RNF43: variants seen among roughly 807,000 people sequenced by gnomAD.
RNF43 encodes E3 ubiquitin-protein ligase RNF43.
A neutral mutation model predicts 78.4 loss-of-function variants in RNF43; 37 were observed. The observed-to-expected ratio is 0.47, with a 90% CI of 0.36 to 0.62. RNF43 has a LOEUF of 0.62. Among genes scored for constraint, RNF43 ranks in the 20% least tolerant of loss-of-function variants. RNF43 has a pLI of 0.00. For synonymous variants in RNF43, 347 were observed against 395.0 expected, an observed-to-expected ratio of 0.88 and a Z score of 1.44; for missense variants, 774 against 1,007.9, an observed-to-expected ratio of 0.77 and a Z score of 3.14.
At chr17:58,414,401 T>C (rs1974084319) in intron 2 of RNF43, among the ~76,000 whole-genome samples, 2 of 152,236 alleles carry the variant, frequency 1.3e-5, no homozygotes, top group South Asian at 4.1e-4. Context: ...TTAACCTGTG[T>C]CCAGTAGCTA....
At chr17:58,398,632 T>C (rs1235718065) in intron 2 of RNF43, among the ~76,000 whole-genome samples, 1 of 152,194 alleles carries the variant, frequency 6.6e-6, no homozygotes, top group African/African-American at 2.4e-5. Context: ...ATTCCACCCA[T>C]AGAAATGGAG....
At chr17:58,378,005 G>A (rs1367462001) in intron 2 of RNF43, among the ~76,000 whole-genome samples, 1 of 152,090 alleles carries the variant, frequency 6.6e-6, no homozygotes, top group African/African-American at 2.4e-5. Context: ...GCTTCTTCCG[G>A]ATCCCGGCAC....
chr17:58,399,929 C>A (rs951941851), intron 2 of RNF43, among the ~76,000 whole-genome samples: 1 of 152,062 alleles, frequency 6.6e-6, no homozygotes, highest in African/African-American at 2.4e-5. Context: ...CGTGAGCCAC[C>A]GCACCCAGCC....
At chr17:58,374,000 T>G (rs530669598) in intron 2 of RNF43, among the ~76,000 whole-genome samples, 1 of 152,204 alleles carries the variant, frequency 6.6e-6, no homozygotes, top group African/African-American at 2.4e-5. Context: ...CAGTACAGTT[T>G]ATATTTATTG....
At position 58,357,420 on chromosome 17, in the gene RNF43, G is replaced by C. The variant is rs2143381868; in HGVS notation, c.2308+48C>G. 6.2e-7 allele frequency: 1 copy of C among 1,610,942 alleles called. No homozygotes were observed. The highest frequency in any genetic ancestry group is 8.5e-7 in the Non-Finnish European group (1 of 1,177,132). The stretch of plus-strand genomic sequence containing the variant: ...GACTTCACCTGTCCTGAAATATTCA[G>C]CTGTAGTCTCCTCTCCCTACCACAC... On this transcript the variant is annotated intron_variant, in intron 9 of 9. Transcript: ENST00000407977. This position sits in a 1 kb window ranked among gnomAD's most constrained non-coding sequence, Gnocchi z 4.5.
chr17:58,414,472 G>A (rs1057251368), intron 2 of RNF43, among the ~76,000 whole-genome samples: 1 of 152,194 alleles, frequency 6.6e-6, no homozygotes, highest in African/African-American at 2.4e-5. Flanking sequence ...ATTTTATGGA[G>A]TAAGACAATG....
chr17:58,400,490 A>T (rs117498902), intron 2 of RNF43, among the ~76,000 whole-genome samples: 2,553 of 152,246 alleles, frequency 0.017, 31 homozygotes, highest in Non-Finnish European at 0.028. Flanking sequence ...AATACCTAAC[A>T]TTTGCCATTT....
rs375113334 is a variant in RNF43 at position 58,358,134 on chromosome 17, C to G, written c.1642G>C (p.Val548Leu). ...TGGTGCCGGTGGCGGTGGTAGTGGA[C>G]ATGGCTGGAAACCTGGGTTTCCCCT... ...PTGETQVSSH[V>L]HYHRHRHHHY... Residue 548 changes from valine (V) to leucine (L), a missense_variant, in exon 9 of 10, where the codon GTC (valine) becomes CTC (leucine). Transcript: ENST00000407977. This position sits in a 1 kb window ranked among gnomAD's most constrained non-coding sequence, Gnocchi z 6.2. The G allele has an allele frequency of 6.2e-7, 1 of 1,613,164 alleles. No homozygotes were observed. Among genetic ancestry groups the G allele is most frequent in the Non-Finnish European group, 8.5e-7 (1 of 1,179,672 alleles).
At chr17:58,384,901 T>C (rs1973399926) in intron 2 of RNF43, among the ~76,000 whole-genome samples, 1 of 152,236 alleles carries the variant, frequency 6.6e-6, no homozygotes, top group Non-Finnish European at 1.5e-5. Flanking sequence ...GTTTTCTTGA[T>C]TGCTGAATTT....
rs1424738065 is a variant in RNF43 at position 58,363,608 on chromosome 17, G to T, written c.376-8C>A. On this transcript the variant is annotated splice_polypyrimidine_tract_variant and splice_region_variant and intron_variant, in intron 3 of 9. Transcript: ENST00000407977. ...CTCACCCGCCATCCGAGCCTGCAGAGGCACACAGTAGAGGTTGGGCTGAGG... is the reference window on the plus strand; with the variant it reads ...CTCACCCGCCATCCGAGCCTGCAGATGCACACAGTAGAGGTTGGGCTGAGG... 6.2e-7 allele frequency: 1 copy of T among 1,609,660 alleles called. No homozygotes were observed. Among genetic ancestry groups the T allele is most frequent in the East Asian group, 2.2e-5 (1 of 44,808 alleles).
At position 58,354,974 on chromosome 17, in the gene RNF43, T is replaced by C; in HGVS notation, c.2321A>G (p.Glu774Gly). 6.2e-7 allele frequency: 1 copy of C among 1,614,082 alleles called. No homozygotes were observed. Among genetic ancestry groups the C allele is most frequent in the African/African-American group, 1.3e-5 (1 of 75,038 alleles). The change falls in exon 10 of 10, where the codon GAA becomes GGA. Residue 774 changes from glutamate (E) to glycine (G), a missense_variant. Coordinates refer to ENST00000407977, the MANE Select transcript of RNF43 (RefSeq NM_017763.6). Reference sequence around the variant, plus strand: ...AGCCTGTTCACACAGCTCCTCGAGTTCCTCCTCTGAGCCTGTATTTAGAGA... The same window carrying C: ...AGCCTGTTCACACAGCTCCTCGAGTCCCTCCTCTGAGCCTGTATTTAGAGA... Reference protein sequence around the residue: ...VLSAQPGSEEELEELCEQAV With the variant: ...VLSAQPGSEEGLEELCEQAV
chr17:58,394,437 T>C (rs1045707111), intron 2 of RNF43, among the ~76,000 whole-genome samples: 3 of 152,188 alleles, frequency 2.0e-5, no homozygotes, highest in African/African-American at 7.2e-5. Context: ...TTGAGTATTA[T>C]GTAAATGAAG....
chr17:58,404,899 C>T (rs1973872878), intron 2 of RNF43, among the ~76,000 whole-genome samples: 1 of 150,518 alleles, frequency 6.6e-6, no homozygotes, highest in Admixed American at 6.6e-5. Context: ...CTGATTGGTA[C>T]ATTTTAGAAA....
intron 2 of RNF43, among the ~76,000 whole-genome samples, chr17:58,387,368 T>C (rs1282266871): frequency 2.6e-5 from 4 of 152,154 alleles, no homozygotes; most frequent in African/African-American, 9.7e-5. Flanking sequence ...GCATGACACC[T>C]GGCTGGGTGC....
intron 2 of RNF43, among the ~76,000 whole-genome samples, chr17:58,373,119 G>A (rs1189399441): frequency 6.6e-6 from 1 of 152,192 alleles, no homozygotes; most frequent in Non-Finnish European, 1.5e-5. Flanking sequence ...ACAAATCGCA[G>A]CCACAGAAGG....
chr17:58,358,184 C>G lies in RNF43; in HGVS notation c.1592G>C (p.Arg531Pro), dbSNP rs148619997. Residue 531 changes from arginine to proline, a missense_variant, in exon 9 of 10, where the codon CGT (arginine) becomes CCT (proline). Physicochemically the swap from Arg to Pro is moderately radical, Grantham distance 103. Transcript: ENST00000407977. The surrounding 1 kb of genome is among the most constrained non-coding windows in gnomAD (Gnocchi z 6.2). The part of the protein sequence containing the change: ...DMQPSVTSRP[R>P]SLDSVVPTGE... ...TGTGGGCACCACCGAGTCCAAGGAA[C>G]GAGGCCGAGAGGTCACACTAGGCTG... 6.2e-7 allele frequency: 1 copy of G among 1,612,238 alleles called. No individual in the cohort carries two copies. Among genetic ancestry groups the G allele is most frequent in the Non-Finnish European group, 8.5e-7 (1 of 1,179,212 alleles).
intron 2 of RNF43, among the ~76,000 whole-genome samples, chr17:58,399,073 A>G (rs1237638007): frequency 6.6e-6 from 1 of 152,224 alleles, no homozygotes; most frequent in Non-Finnish European, 1.5e-5. Flanking sequence ...GAATTATAAT[A>G]CCATGCAAGT....
At position 58,357,793 on chromosome 17, in the gene RNF43, G is replaced by A. The variant is rs371820221; in HGVS notation, c.1983C>T (p.Ser661=). 3.0e-5 allele frequency: 49 copies of A among 1,613,976 alleles called. No individual in the cohort carries two copies. Among genetic ancestry groups the A allele is most frequent in the African/African-American group, 2.4e-4 (18 of 74,912 alleles). The part of the protein sequence containing the change: ...HPQRKRRGGP[S]EPTPGSRPQD... ...GGGGCCGAGAGCCAGGGGTGGGCTCGGAGGGACCCCCCCGCCTTTTCCTCT... is the reference window on the plus strand; with the variant it reads ...GGGGCCGAGAGCCAGGGGTGGGCTCAGAGGGACCCCCCCGCCTTTTCCTCT... The change falls in exon 9 of 10, where the codon TCC becomes TCT. Residue 661 remains serine, a synonymous_variant. Coordinates refer to ENST00000407977, the MANE Select transcript of RNF43 (RefSeq NM_017763.6). This position sits in a 1 kb window ranked among gnomAD's most constrained non-coding sequence, Gnocchi z 4.5.
intron 2 of RNF43, among the ~76,000 whole-genome samples, chr17:58,407,834 AC>A (rs1315511130): frequency 6.6e-6 from 1 of 152,226 alleles, no homozygotes; most frequent in Non-Finnish European, 1.5e-5. Context: ...CTAAATAGAC[AC>A]ATAAAGCCAC....
Sources: allele counts gnomAD v4.1 joint callset (sites outside exome capture counted in the v4.1 genomes callset), GRCh38; gene constraint gnomAD v4.1.1; non-coding constraint Gnocchi (gnomAD v3.1); transcripts MANE v1.5; gene names NCBI Gene and HGNC (gene_info 2026-07-23, HGNC 2026-07-21).